The following PACSIN2 variants were observed in gnomAD, a reference collection of about 807,000 sequenced individuals.
The protein encoded by PACSIN2 is protein kinase C and casein kinase substrate in neurons protein 2.
In PACSIN2, 25 loss-of-function variants were observed where a neutral mutation model predicts 63.8. The ratio of observed to expected loss-of-function variants is 0.39; its 90% CI spans 0.29 to 0.55. The LOEUF is 0.55. Among genes scored for constraint, PACSIN2 ranks in the 20% least tolerant of loss-of-function variants. The pLI is 0.62. For missense variants in PACSIN2, 518 were observed against 646.9 expected, an observed-to-expected ratio of 0.80 and a Z score of 2.16; for synonymous variants, 255 against 256.2, an observed-to-expected ratio of 1.00 and a Z score of 0.05.
chr22:42,987,449 AAC>A (rs745523623), intron 1 of PACSIN2, among the ~76,000 whole-genome samples: 3,040 of 86,970 alleles, frequency 0.035, 72 homozygotes, highest in African/African-American at 0.079. Context: ...GTCCAGGAGC[AAC>A]ACACACACAC....
chr22:43,013,658 A>C (rs563557328), intron 1 of PACSIN2, among the ~76,000 whole-genome samples: 101 of 152,358 alleles, frequency 6.6e-4, no homozygotes, highest in Non-Finnish European at 1.2e-3. Context: ...GGGTTAAAAC[A>C]GAACTTCAGC....
intron 1 of PACSIN2, among the ~76,000 whole-genome samples, chr22:42,985,811 G>T (rs1180490851): frequency 6.6e-6 from 1 of 152,084 alleles, no homozygotes; most frequent in Non-Finnish European, 1.5e-5. Context: ...CCCCATGCAG[G>T]AATCACTGAG....
intron 7 of PACSIN2, among the ~76,000 whole-genome samples, chr22:42,879,986 C>T (rs549316334): frequency 3.3e-5 from 5 of 152,308 alleles, no homozygotes; most frequent in Middle Eastern, 3.4e-3. Context: ...CTTCACCAAC[C>T]GCACTGAAAA....
In PACSIN2 at chr22:42,882,295, G is replaced by T. The variant is rs780152450; in HGVS notation, c.795C>A (p.Ala265=). ...LDLSNVAGYK[A]IYHDLEQSIR... is the part of the protein sequence containing the mutation. ...TGCTCTGCTCCAGGTCATGGTAAATGGCTTTGTAGCTAAATCAGAGAGAAA... is the reference window on the plus strand; with the variant it reads ...TGCTCTGCTCCAGGTCATGGTAAATTGCTTTGTAGCTAAATCAGAGAGAAA... Residue 265 remains alanine (A), a synonymous_variant, in exon 7 of 11, where the codon GCC becomes GCA. Transcript: ENST00000263246. 38 of 1,610,640 alleles carry T rather than the reference G, an allele frequency of 2.4e-5. No homozygotes were observed. The Admixed American group carries it at 6.2e-4, about 26-fold the overall frequency.
intron 1 of PACSIN2, among the ~76,000 whole-genome samples, chr22:42,981,644 A>T (rs1601601038): frequency 5.6e-5 from 5 of 88,736 alleles, no homozygotes; most frequent in Admixed American, 2.1e-4. Flanking sequence ...TCCGGGAGGG[A>T]GGTGGGGGGG....
chr22:42,879,723 G>A (rs1474832202), intron 7 of PACSIN2, among the ~76,000 whole-genome samples: 1 of 152,210 alleles, frequency 6.6e-6, no homozygotes, highest in Non-Finnish European at 1.5e-5. Context: ...GAGCAAGCCT[G>A]CCATGTGGAA....
At chr22:42,974,600 T>C (rs901009278) in intron 1 of PACSIN2, among the ~76,000 whole-genome samples, 8 of 151,670 alleles carry the variant, frequency 5.3e-5, no homozygotes, top group Non-Finnish European at 1.2e-4. Context: ...AATACAAAAA[T>C]TAGCTGGGCA....
At chr22:42,929,059 A>T (rs1017581670) in intron 1 of PACSIN2, among the ~76,000 whole-genome samples, 2 of 152,254 alleles carry the variant, frequency 1.3e-5, no homozygotes, top group Non-Finnish European at 1.5e-5. Context: ...CCGAGTAATT[A>T]TAAGAGTGTG....
At position 42,964,645 on chromosome 22, in the gene PACSIN2, C is replaced by T. The variant is rs114183010; in HGVS notation, c.-78+50376G>A. ...GCAGCCTGGCACAGGGCAGGCTCTA[C>T]AGTTCCTATGTACCTGGGTCCCTGA... On this transcript the variant is annotated intron_variant, in intron 1 of 10. Coordinates refer to ENST00000263246, the MANE Select transcript of PACSIN2 (RefSeq NM_001184970.3). 2.0e-3 allele frequency among the ~76,000 whole-genome samples: 310 copies of T among 152,196 alleles called. 2 individuals are homozygous for T. The highest frequency in any genetic ancestry group is 7.2e-3 in the African/African-American group (298 of 41,528).
At chr22:42,874,047 C>T (rs188877032) in intron 10 of PACSIN2, among the ~76,000 whole-genome samples, 3 of 152,250 alleles carry the variant, frequency 2.0e-5, no homozygotes, top group East Asian at 1.9e-4. Flanking sequence ...GCCTTGGCCT[C>T]GCAAAGTGCT....
intron 5 of PACSIN2, among the ~76,000 whole-genome samples, chr22:42,888,281 C>T (rs1177029510): frequency 6.6e-6 from 1 of 152,178 alleles, no homozygotes; most frequent in Non-Finnish European, 1.5e-5. Context: ...CTGGCCACAA[C>T]CATTCACACC....
At chr22:42,883,331 A>G (rs1929216866) in intron 6 of PACSIN2, among the ~76,000 whole-genome samples, 1 of 152,218 alleles carries the variant, frequency 6.6e-6, no homozygotes, top group Non-Finnish European at 1.5e-5. Context: ...ATGGTGGCAG[A>G]GCAGCAGCGG....
intron 1 of PACSIN2, among the ~76,000 whole-genome samples, chr22:42,984,932 A>T (rs1922501152): frequency 6.6e-6 from 1 of 152,186 alleles, no homozygotes; most frequent in Non-Finnish European, 1.5e-5. Flanking sequence ...AGTTTTTCTT[A>T]TTCTAAACTA....
intron 6 of PACSIN2, 26 bp downstream of exon 6, chr22:42,884,360 T>C: frequency 1.3e-6 from 2 of 1,598,040 alleles, no homozygotes; most frequent in Non-Finnish European, 1.7e-6. Context: ...CAATGACGTG[T>C]GTGTTTTAGC....
intron 1 of PACSIN2, among the ~76,000 whole-genome samples, chr22:42,924,383 A>G (rs181221331): frequency 6.6e-6 from 1 of 152,338 alleles, no homozygotes; most frequent in African/African-American, 2.4e-5. Flanking sequence ...ACTTGTACAT[A>G]CAACTGTAGC....
At chr22:42,896,797 G>A (rs901840259) in intron 2 of PACSIN2, among the ~76,000 whole-genome samples, 4 of 152,146 alleles carry the variant, frequency 2.6e-5, no homozygotes, top group African/African-American at 9.7e-5. Flanking sequence ...GTTTTGTTCT[G>A]TTTTGTTATT....
chr22:42,882,984 A>T (rs1176476362), intron 6 of PACSIN2, among the ~76,000 whole-genome samples: 1 of 152,214 alleles, frequency 6.6e-6, no homozygotes, highest in Non-Finnish European at 1.5e-5. Context: ...CATAGGAGAC[A>T]TGCTGGAGTC....
chr22:42,890,849 C>T (rs943170095), intron 4 of PACSIN2, 98 bp downstream of exon 4: 2 of 913,132 alleles, frequency 2.2e-6, no homozygotes, highest in Non-Finnish European at 3.4e-6. Context: ...CCTGTGCCTA[C>T]AGCCAGTGGC....
intron 1 of PACSIN2, among the ~76,000 whole-genome samples, chr22:42,925,840 T>A (rs896854103): frequency 1.3e-5 from 2 of 152,190 alleles, no homozygotes; most frequent in African/African-American, 4.8e-5. Context: ...GAGGCCCTCC[T>A]GCTGCCTGAC....
Sources: gnomAD v4.1 joint callset for allele counts (sites outside exome capture counted in the v4.1 genomes callset) on GRCh38, gnomAD v4.1.1 for gene constraint, MANE v1.5 for transcripts, NCBI Gene and HGNC (gene_info 2026-07-23, HGNC 2026-07-21) for gene names.